The following PCDH15 variants were observed in gnomAD, a reference collection of about 807,000 sequenced individuals.
PCDH15 encodes the protein protocadherin related 15.
In PCDH15, 129 loss-of-function variants were observed where a neutral mutation model predicts 178.5. The ratio of observed to expected loss-of-function variants is 0.72; its 90% CI spans 0.63 to 0.84. PCDH15 has a LOEUF of 0.84. PCDH15 is among the 40% of genes least tolerant of loss of function. The probability of loss-of-function intolerance (pLI) is 0.00; values close to 1 mark genes in which losing one functional copy is unlikely to be tolerated. For synonymous variants in PCDH15, 800 were observed against 732.0 expected, an observed-to-expected ratio of 1.09 and a Z score of -1.50; for missense variants, 2,230 against 2,099.9, an observed-to-expected ratio of 1.06 and a Z score of -1.21.
At chr10:54,246,143 A>AC (rs1436948004) in intron 8 of PCDH15, among the ~76,000 whole-genome samples, 1 of 151,976 alleles carries the variant, frequency 6.6e-6, no homozygotes, top group African/African-American at 2.4e-5. Flanking sequence ...ACAATATATA[A>AC]TGTACTTTTA....
chr10:53,956,231 ATCAG>A (rs1370261436), intron 23 of PCDH15, among the ~76,000 whole-genome samples: 2 of 152,108 alleles, frequency 1.3e-5, no homozygotes, highest in African/African-American at 4.8e-5. Flanking sequence ...TTGGCCAGAA[ATCAG>A]TCAAACGGCA....
chr10:54,594,062 G>C (rs750661137), intron 2 of PCDH15, among the ~76,000 whole-genome samples: 8 of 152,204 alleles, frequency 5.3e-5, no homozygotes, highest in Middle Eastern at 3.4e-3. Flanking sequence ...CACACACCAG[G>C]ACTCATTCCT....
chr10:54,288,870 C>T (rs1470933677), intron 8 of PCDH15, among the ~76,000 whole-genome samples: 5 of 152,240 alleles, frequency 3.3e-5, no homozygotes, highest in Non-Finnish European at 7.3e-5. Flanking sequence ...GGAGCTCGAA[C>T]TGGGCAGAGC....
intron 2 of PCDH15, among the ~76,000 whole-genome samples, chr10:55,014,535 C>G (rs1431226538): frequency 6.6e-6 from 1 of 151,784 alleles, no homozygotes; most frequent in Non-Finnish European, 1.5e-5. Context: ...GTGAGCAGCA[C>G]TTCTATACAG....
intron 2 of PCDH15, among the ~76,000 whole-genome samples, chr10:55,460,269 C>A (rs1288485554): frequency 6.6e-6 from 1 of 151,500 alleles, no homozygotes; most frequent in Non-Finnish European, 1.5e-5. Flanking sequence ...CTATATTACT[C>A]TTATATTATT....
intron 2 of PCDH15, among the ~76,000 whole-genome samples, chr10:55,577,315 A>T (rs1842515897): frequency 1.3e-5 from 2 of 152,138 alleles, no homozygotes; most frequent in Non-Finnish European, 2.9e-5. Context: ...TTATTTTCAG[A>T]TTTTATTTGT....
At chr10:54,576,864 CA>C (rs2090524195) in intron 2 of PCDH15, among the ~76,000 whole-genome samples, 1 of 152,106 alleles carries the variant, frequency 6.6e-6, no homozygotes, top group Non-Finnish European at 1.5e-5. Context: ...ATTGAATGTA[CA>C]GTGTGTTTCA....
intron 8 of PCDH15, among the ~76,000 whole-genome samples, chr10:54,271,455 C>T (rs1267776372): frequency 2.6e-5 from 4 of 152,118 alleles, no homozygotes. Flanking sequence ...GATTATCAGC[C>T]TGTGCCTCAG....
intron 28 of PCDH15, among the ~76,000 whole-genome samples, chr10:53,851,093 G>T (rs145056840): frequency 6.6e-6 from 1 of 152,168 alleles, no homozygotes; most frequent in African/African-American, 2.4e-5. Context: ...CATAACTGCA[G>T]TTCTCTATCA....
intron 13 of PCDH15, among the ~76,000 whole-genome samples, chr10:54,165,893 C>T (rs1189137883): frequency 6.6e-6 from 1 of 152,138 alleles, no homozygotes; most frequent in Non-Finnish European, 1.5e-5. Flanking sequence ...TTCTGTCAAA[C>T]AGAAGGTGCT....
intron 2 of PCDH15, among the ~76,000 whole-genome samples, chr10:54,961,548 C>T (rs1345796594): frequency 2.0e-5 from 3 of 152,182 alleles, no homozygotes; most frequent in Non-Finnish European, 4.4e-5. Flanking sequence ...CCCATGGCTG[C>T]CCATGGACCA....
chr10:54,618,021 T>C (rs2093234931), intron 2 of PCDH15, among the ~76,000 whole-genome samples: 1 of 152,008 alleles, frequency 6.6e-6, no homozygotes, highest in Non-Finnish European at 1.5e-5. Flanking sequence ...TCAGCCCAAC[T>C]GTAACTTTGT....
chr10:54,687,764 G>A (rs2135747199), intron 1 of PCDH15, among the ~76,000 whole-genome samples: 1 of 152,158 alleles, frequency 6.6e-6, no homozygotes, highest in South Asian at 2.1e-4. Context: ...ACTTGTCATG[G>A]TGGAAGTCAG....
intron 37 of PCDH15, among the ~76,000 whole-genome samples, chr10:53,809,955 CATTTT>C (rs2075806227): frequency 6.6e-6 from 1 of 152,104 alleles, no homozygotes; most frequent in South Asian, 2.1e-4. Context: ...CGATTTATCT[CATTTT>C]ATGAGAAATC....
rs764014712 is a variant in PCDH15 at position 53,807,135 on chromosome 10, T to A, written c.4672-5A>T. ...GATCATTCTTTTTCTTGCCCACTGA[T>A]AAAATAAACAAAAATATGTGAGTCA... On this transcript the variant is annotated splice_polypyrimidine_tract_variant and splice_region_variant and intron_variant, in intron 37 of 37. Coordinates refer to ENST00000644397, the MANE Select transcript of PCDH15 (RefSeq NM_001384140.1). 1.3e-6 allele frequency: 2 copies of A among 1,573,746 alleles called. No individual in the cohort carries two copies. Among genetic ancestry groups the A allele is most frequent in the Admixed American group, 1.9e-5 (1 of 53,512 alleles).
intron 2 of PCDH15, among the ~76,000 whole-genome samples, chr10:54,632,465 T>C (rs1284631002): frequency 1.3e-5 from 2 of 152,062 alleles, no homozygotes; most frequent in East Asian, 3.9e-4. Flanking sequence ...AAATCTTCGA[T>C]TGGCATGATA....
At chr10:55,478,193 A>T (rs898901898) in intron 2 of PCDH15, among the ~76,000 whole-genome samples, 1 of 151,820 alleles carries the variant, frequency 6.6e-6, no homozygotes, top group African/African-American at 2.4e-5. Flanking sequence ...GACCAAATGG[A>T]GAGCTAGAAT....
intron 1 of PCDH15, among the ~76,000 whole-genome samples, chr10:55,186,201 C>G (rs371253128): frequency 1.3e-5 from 2 of 151,220 alleles, no homozygotes; most frequent in Admixed American, 6.6e-5. Context: ...TTTAGTCATA[C>G]AGATAAATAA....
At chr10:55,089,159 T>G (rs1017215337) in intron 2 of PCDH15, among the ~76,000 whole-genome samples, 2 of 152,148 alleles carry the variant, frequency 1.3e-5, no homozygotes, top group African/African-American at 4.8e-5. Context: ...TAATGTTTCA[T>G]AAAACCAAAT....
Sources: allele counts gnomAD v4.1 joint callset (sites outside exome capture counted in the v4.1 genomes callset), GRCh38; gene constraint gnomAD v4.1.1; transcripts MANE v1.5; gene names NCBI Gene and HGNC (gene_info 2026-07-23, HGNC 2026-07-21).